The following CRTAC1 variants were observed in gnomAD, a reference collection of about 807,000 sequenced individuals.
The protein encoded by CRTAC1 is cartilage acidic protein 1.
In CRTAC1, 37 loss-of-function variants were observed where a neutral mutation model predicts 67.8. The observed-to-expected ratio is 0.55, with a 90% CI of 0.42 to 0.72. CRTAC1 has a LOEUF of 0.72. CRTAC1 is among the 30% of genes least tolerant of loss of function. The pLI is 0.00. For synonymous variants in CRTAC1, 348 were observed against 371.0 expected (o/e 0.94, Z 0.71); for missense variants, 780 against 931.6 (o/e 0.84, Z 2.12).
chr10:98,010,383 A>G (rs1223478821), intron 2 of CRTAC1, among the ~76,000 whole-genome samples: 1 of 152,142 alleles, frequency 6.6e-6, no homozygotes, highest in East Asian at 1.9e-4. Flanking sequence ...AGAAATTTAC[A>G]ATGCACTGTC....
At chr10:97,904,325 G>A (rs954230498) in intron 7 of CRTAC1, among the ~76,000 whole-genome samples, 13 of 152,308 alleles carry the variant, frequency 8.5e-5, no homozygotes, top group African/African-American at 3.1e-4. Context: ...CAGCCTGGTG[G>A]GAGGAGCGAG....
At position 97,880,326 on chromosome 10, in the gene CRTAC1, TA is replaced by T; in HGVS notation, c.1741del (p.Tyr581MetfsTer63). The T allele has an allele frequency of 6.2e-7, 1 of 1,614,176 alleles. No individual in the cohort carries two copies. The highest frequency in any genetic ancestry group is 8.5e-7 in the Non-Finnish European group (1 of 1,179,998). On this transcript the variant is annotated frameshift_variant, in exon 14 of 15. Coordinates refer to ENST00000370597, the MANE Select transcript of CRTAC1 (RefSeq NM_018058.7). LOFTEE classifies it high-confidence loss of function. ...GTTGGTCCGGCACCTGTAGCTTCCA[TA>T]GGTGTTGACACATACGGGCTTGTCT... ...PRDKPVCVNTYGSYRCRTNKK... is the reference protein window; with the variant it reads ...PRDKPVCVNTXGSYRCRTNKK...
At chr10:97,866,020 C>T (rs1420115458) in intron 14 of CRTAC1, 5 of 364,658 alleles carry the variant, frequency 1.4e-5, no homozygotes, top group Admixed American at 4.2e-5. Context: ...CCCCTCTCTT[C>T]CACAGCCCCT....
chr10:97,879,741 G>C (rs1198327424), intron 14 of CRTAC1: 21 of 1,550,026 alleles, frequency 1.4e-5, no homozygotes, highest in Non-Finnish European at 1.7e-5. Flanking sequence ...TGAGGCCCGA[G>C]AGAGAGGCTC....
intron 2 of CRTAC1, among the ~76,000 whole-genome samples, chr10:97,956,088 T>G (rs1301527184): frequency 6.6e-6 from 1 of 152,200 alleles, no homozygotes; most frequent in Non-Finnish European, 1.5e-5. Flanking sequence ...CGATTACAGT[T>G]GCTTCCAGAT....
chr10:97,980,709 G>C (rs1457778127), intron 2 of CRTAC1, among the ~76,000 whole-genome samples: 1 of 152,236 alleles, frequency 6.6e-6, no homozygotes, highest in Non-Finnish European at 1.5e-5. Flanking sequence ...CTATGCACCA[G>C]AGCAGAGGCT....
At chr10:97,898,328 A>C (rs2050489426) in intron 8 of CRTAC1, among the ~76,000 whole-genome samples, 2 of 152,192 alleles carry the variant, frequency 1.3e-5, no homozygotes, top group Non-Finnish European at 2.9e-5. Flanking sequence ...TGGGGAGTCC[A>C]GAGTTGGGGA....
chr10:97,893,507 A>G (rs1590188278), intron 11 of CRTAC1, among the ~76,000 whole-genome samples: 2 of 151,944 alleles, frequency 1.3e-5, no homozygotes, highest in African/African-American at 4.8e-5. Flanking sequence ...TAATCCCCTT[A>G]CCCTGCCAGA....
chr10:97,913,338 A>AC (rs2050716387), intron 5 of CRTAC1, among the ~76,000 whole-genome samples: 3 of 151,850 alleles, frequency 2.0e-5, no homozygotes, highest in African/African-American at 7.3e-5. Context: ...ACAAGGATAC[A>AC]CCCCCGCTCA....
At chr10:98,015,624 T>C (rs768401733) in intron 1 of CRTAC1, among the ~76,000 whole-genome samples, 20 of 152,242 alleles carry the variant, frequency 1.3e-4, no homozygotes, top group Non-Finnish European at 2.6e-4. Context: ...TTGCTGTTAA[T>C]ATATAATCAT....
chr10:97,930,681 T>C (rs912532134), intron 3 of CRTAC1, among the ~76,000 whole-genome samples: 1 of 152,100 alleles, frequency 6.6e-6, no homozygotes, highest in African/African-American at 2.4e-5. Flanking sequence ...CCAGGGGTGC[T>C]TCTCTCAAAA....
intron 2 of CRTAC1, among the ~76,000 whole-genome samples, chr10:98,002,712 T>C (rs1051709168): frequency 2.0e-5 from 3 of 148,266 alleles, no homozygotes; most frequent in African/African-American, 7.4e-5. Flanking sequence ...TTAATCCTGA[T>C]GGTCACCGAG....
chr10:97,915,865 G>A (rs1471179782), intron 5 of CRTAC1, among the ~76,000 whole-genome samples: 1 of 152,138 alleles, frequency 6.6e-6, no homozygotes, highest in Non-Finnish European at 1.5e-5. Flanking sequence ...AGCTGCCCCA[G>A]CCTCCCTCTG....
intron 2 of CRTAC1, among the ~76,000 whole-genome samples, chr10:97,988,131 C>T (rs1288390369): frequency 6.6e-6 from 1 of 152,090 alleles, no homozygotes; most frequent in African/African-American, 2.4e-5. Context: ...CACATTTGGT[C>T]TCTGGCTCCT....
At chr10:97,908,977 A>G (rs2136576156) in intron 5 of CRTAC1, among the ~76,000 whole-genome samples, 1 of 152,338 alleles carries the variant, frequency 6.6e-6, no homozygotes, top group South Asian at 2.1e-4. Context: ...TGGGGAAGGA[A>G]AGAGAAACGA....
intron 13 of CRTAC1, 148 bp downstream of exon 13, chr10:97,882,638 G>T: frequency 2.7e-6 from 2 of 749,672 alleles, no homozygotes; most frequent in Non-Finnish European, 4.5e-6. Flanking sequence ...GGTTGTCTTG[G>T]CATCTGGAGT....
intron 2 of CRTAC1, among the ~76,000 whole-genome samples, chr10:98,010,303 G>T (rs899081911): frequency 6.6e-6 from 1 of 152,148 alleles, no homozygotes; most frequent in Non-Finnish European, 1.5e-5. Context: ...GCCTCCTAAA[G>T]TGCTGGGATT....
At chr10:97,996,986 C>T (rs970230457) in intron 2 of CRTAC1, among the ~76,000 whole-genome samples, 26 of 146,056 alleles carry the variant, frequency 1.8e-4, no homozygotes, top group African/African-American at 6.6e-4. Flanking sequence ...ATCGCAAGGA[C>T]AAAAAACCAA....
rs770657920 is a variant in CRTAC1, at chr10:97,936,252, G to A, written c.339C>T (p.Asn113=). 9.9e-6 allele frequency: 16 copies of A among 1,613,998 alleles called. No homozygotes were observed. The highest frequency in any genetic ancestry group is 1.4e-5 in the Non-Finnish European group (16 of 1,179,976). ...PYYALRDRQG[N]AIGVTACDID... The stretch of plus-strand genomic sequence containing the variant: ...TGTCGCAGGCTGTGACCCCGATGGC[G>A]TTCCCCTGCCGGTCCCGCAGCGCGT... The change falls in exon 3 of 15, where the codon AAC becomes AAT. Residue 113 remains asparagine (N), a synonymous_variant. Coordinates refer to ENST00000370597, the MANE Select transcript of CRTAC1 (RefSeq NM_018058.7).
Sources: gnomAD v4.1 joint callset for allele counts (sites outside exome capture counted in the v4.1 genomes callset) on GRCh38, gnomAD v4.1.1 for gene constraint, MANE v1.5 for transcripts, NCBI Gene and HGNC (gene_info 2026-07-23, HGNC 2026-07-21) for gene names.